CARMIL3: variants seen among roughly 807,000 people sequenced by gnomAD.
The protein encoded by CARMIL3 is capping protein regulator and myosin 1 linker 3, also known as capping protein, Arp2/3 and myosin-I linker protein 3.
A neutral mutation model predicts 180.8 loss-of-function variants in CARMIL3; 88 were observed. The observed-to-expected ratio is 0.49, with a 90% confidence interval of 0.41 to 0.58. CARMIL3 has a LOEUF of 0.58. Ranked by LOEUF, CARMIL3 falls within the 20% of genes least tolerant of loss-of-function variation. The pLI, the probability that CARMIL3 is intolerant of heterozygous loss-of-function variation, is 0.00. For synonymous variants in CARMIL3, 696 were observed against 714.5 expected (o/e 0.97, Z 0.41); for missense variants, 1,548 against 1,787.0 (o/e 0.87, Z 2.41).
Position 24,054,783 on chromosome 14 carries a change from C to A in CARMIL3, c.435C>A (p.Ser145=). ...ATACATCCCCCAACTCTGAGACTTC[C>A]ACATCTACCACCCACAGTGTCTGCG... ...PRDTSPNSET[S]TSTTHSVCGG... is the part of the protein sequence containing the mutation. Residue 145 remains serine, a synonymous_variant, in exon 6 of 40, where the codon TCC becomes TCA. Coordinates refer to ENST00000342740, the MANE Select transcript of CARMIL3 (RefSeq NM_138360.4). This position sits in a 1 kb window ranked among gnomAD's most constrained non-coding sequence, Gnocchi z 5.1. The A allele has an allele frequency of 3.7e-6, 6 of 1,614,064 alleles. No individual in the cohort carries two copies. Among genetic ancestry groups the A allele is most frequent in the Non-Finnish European group, 5.1e-6 (6 of 1,179,994 alleles).
intron 24 of CARMIL3, 130 bp downstream of exon 24, chr14:24,060,385 G>T: frequency 1.7e-6 from 2 of 1,148,734 alleles, no homozygotes. Context: ...AGCATGTGGG[G>T]AAGCAAAAAG....
chr14:24,066,140 G>A (rs1056690102), intron 34 of CARMIL3, among the ~76,000 whole-genome samples: 2 of 152,018 alleles, frequency 1.3e-5, no homozygotes, highest in African/African-American at 4.8e-5. Context: ...AAAATCGCAG[G>A]CTTTTTGAAT....
rs190937014 is a variant in CARMIL3, at chr14:24,061,202, T to G, written c.2304+162T>G. 1.5e-6 allele frequency: 1 copy of G among 672,784 alleles called. No individual in the cohort carries two copies. The highest frequency in any genetic ancestry group is 2.5e-6 in the Non-Finnish European group (1 of 400,768). 41.7% of individuals were successfully genotyped at this position (672,784 alleles called of 1,614,324 possible). A position where few individuals can be genotyped will look rare whatever the true frequency, so the allele number is the denominator to read the frequency against. ...ACTGTACCAAGGCATTGCTGCAATATCAGGCTTGGATTTTTTTCTGCTAGC... is the reference window on the plus strand; with the variant it reads ...ACTGTACCAAGGCATTGCTGCAATAGCAGGCTTGGATTTTTTTCTGCTAGC... On this transcript the variant is annotated intron_variant, in intron 26 of 39. Transcript: ENST00000342740. The surrounding 1 kb of genome is among the most constrained non-coding windows in gnomAD (Gnocchi z 4.1).
Position 24,065,710 on chromosome 14 carries a change from T to G in CARMIL3, c.3485T>G (p.Leu1162Trp). The change falls in exon 34 of 40, where the codon TTG (leucine) becomes TGG (tryptophan). Residue 1162 changes from leucine to tryptophan, a missense_variant. Physicochemically the swap from Leu to Trp is moderately conservative, Grantham distance 61. Coordinates refer to ENST00000342740, the MANE Select transcript of CARMIL3 (RefSeq NM_138360.4). The part of the protein sequence containing the change: ...PRVHGVALPG[L>W]ERAKGWSFDG... ...GTTCACGGTGTTGCCCTTCCCGGGT[T>G]GGAAAGAGCCAAGGGTTGGAGCTTC... 1.9e-6 allele frequency: 3 copies of G among 1,613,984 alleles called. No homozygotes were observed. Among genetic ancestry groups the G allele is most frequent in the Non-Finnish European group, 2.5e-6 (3 of 1,179,918 alleles).
At chr14:24,065,476 C>A in intron 33 of CARMIL3, 146 bp from the exon 34 acceptor site, 1 of 1,228,454 alleles carries the variant, frequency 8.1e-7, no homozygotes. Flanking sequence ...CGAATGCAGG[C>A]GTTGGAAGGA....
At chr14:24,069,082 G>A (rs1594557561) in intron 38 of CARMIL3, 55 bp from the exon 39 acceptor site, 1 of 1,604,400 alleles carries the variant, frequency 6.2e-7, no homozygotes, top group East Asian at 2.2e-5. Flanking sequence ...GCCTGGATGA[G>A]CATCCCAGCA....
Position 24,062,798 on chromosome 14 carries a change from G to C in CARMIL3, c.2658G>C (p.Arg886=), listed in dbSNP as rs752630443. 6 of 1,613,706 alleles carry C rather than the reference G, an allele frequency of 3.7e-6. No homozygotes were observed. The highest frequency in any genetic ancestry group is 4.2e-6 in the Non-Finnish European group (5 of 1,179,860). Residue 886 remains arginine, a synonymous_variant, in exon 29 of 40, where the codon CGG becomes CGC. Transcript: ENST00000342740. ...ATCTGTCCTCCCGGGGCCGAGGCCG[G>C]AACCATGACCATGAGGAGACCACAG... is the stretch of plus-strand genomic sequence containing the variant. ...GQDLSSRGRG[R]NHDHEETTDD...
Position 24,058,642 on chromosome 14 carries a change from C to T in CARMIL3, c.1393-38C>T. ...GCATTAAAGGTGCCCTACCCCCACC[C>T]CAACCCCTGCCTTCCCTACCTCACC... On this transcript the variant is annotated intron_variant, in intron 17 of 39. Coordinates refer to ENST00000342740, the MANE Select transcript of CARMIL3 (RefSeq NM_138360.4). The surrounding 1 kb of genome is among the most constrained non-coding windows in gnomAD (Gnocchi z 6.4). 1 of 1,598,846 alleles carries T rather than the reference C, an allele frequency of 6.3e-7. No homozygotes were observed. Among genetic ancestry groups the T allele is most frequent in the Non-Finnish European group, 8.6e-7 (1 of 1,168,880 alleles).
At position 24,063,357 on chromosome 14, in the gene CARMIL3, G is replaced by C; in HGVS notation, c.2803G>C (p.Gly935Arg). 1 of 1,607,466 alleles carries C rather than the reference G, an allele frequency of 6.2e-7. No individual in the cohort carries two copies. The highest frequency in any genetic ancestry group is 8.5e-7 in the Non-Finnish European group (1 of 1,175,724). Residue 935 changes from glycine to arginine, a missense_variant, in exon 31 of 40, where the codon GGG (glycine) becomes CGG (arginine). Coordinates refer to ENST00000342740, the MANE Select transcript of CARMIL3 (RefSeq NM_138360.4). Reference protein sequence around the residue: ...GSPQDMESQLGNLGIPPGWFS... With the variant: ...GSPQDMESQLRNLGIPPGWFS... ...CCCTCAGGACATGGAAAGCCAACTG[G>C]GGAATCTGGGGATCCCCCCTGGCTG...
chr14:24,055,739 C>T lies in CARMIL3; in HGVS notation c.720C>T (p.Ser240=). The change falls in exon 10 of 40, where the codon AGC becomes AGT. Residue 240 remains serine, a synonymous_variant. Transcript: ENST00000342740. ...EVLEQVLHTL[S]KSGSLEELVL... ...TAGAACAGGTGCTACATACCCTAAG[C>T]AAGTCGGGGAGCCTCGAAGAGCTGG... 1 of 1,614,114 alleles carries T rather than the reference C, an allele frequency of 6.2e-7. No homozygotes were observed. Among genetic ancestry groups the T allele is most frequent in the Non-Finnish European group, 8.5e-7 (1 of 1,180,000 alleles).
rs2138701014 is a variant in CARMIL3 at position 24,054,624 on chromosome 14, G to A, written c.363-87G>A. On this transcript the variant is annotated intron_variant, in intron 5 of 39. Transcript: ENST00000342740. This position sits in a 1 kb window ranked among gnomAD's most constrained non-coding sequence, Gnocchi z 5.1. ...GAGAGCTCTCATGTCCCCACTCCTG[G>A]TTTTTCCTGGGATGCAGGAGCTATA... 1 of 1,511,710 alleles carries A rather than the reference G, an allele frequency of 6.6e-7. No individual in the cohort carries two copies. Among genetic ancestry groups the A allele is most frequent in the Non-Finnish European group, 9.1e-7 (1 of 1,103,750 alleles). 93.6% of individuals were successfully genotyped at this position (1,511,710 alleles called of 1,614,324 possible). A position where few individuals can be genotyped will look rare whatever the true frequency, so the allele number is the denominator to read the frequency against.
rs377027645 is a variant in CARMIL3, at chr14:24,061,568, C to T, written c.2376C>T (p.His792=). ...TGGCCATGCGGGTGGCCGAGGGACA[C>T]AACAAGATGCTGAGCAATGTGGCGG... ...CPVAMRVAEG[H]NKMLSNVAER... The change falls in exon 27 of 40, where the codon CAC becomes CAT. Residue 792 remains histidine, a synonymous_variant. Transcript: ENST00000342740. The surrounding 1 kb of genome is among the most constrained non-coding windows in gnomAD (Gnocchi z 4.1). 3.7e-6 allele frequency: 6 copies of T among 1,613,982 alleles called. No homozygotes were observed. The highest frequency in any genetic ancestry group is 5.1e-6 in the Non-Finnish European group (6 of 1,179,982).
Position 24,059,708 on chromosome 14 carries a change from TG to T in CARMIL3, c.1846del (p.Asp616ThrfsTer19), listed in dbSNP as rs1179198052. ...DRNNTSALGF[L>X]DIARALESNH... Reference sequence around the variant, plus strand: ...AACAATACATCTGCCCTGGGCTTCCTGGACATCGCAAGGGCCCTGGAGAGGT... The same window carrying T: ...AACAATACATCTGCCCTGGGCTTCCTGACATCGCAAGGGCCCTGGAGAGGT... On this transcript the variant is annotated frameshift_variant, in exon 22 of 40. Transcript: ENST00000342740. LOFTEE classifies it high-confidence loss of function. This position sits in a 1 kb window ranked among gnomAD's most constrained non-coding sequence, Gnocchi z 6.3. 2 of 1,613,988 alleles carry T rather than the reference TG, an allele frequency of 1.2e-6. No individual in the cohort carries two copies. The highest frequency in any genetic ancestry group is 1.7e-6 in the Non-Finnish European group (2 of 1,180,014).
chr14:24,061,203 C>A lies in CARMIL3; in HGVS notation c.2304+163C>A, dbSNP rs1287784620. 3.7e-5 allele frequency: 25 copies of A among 672,118 alleles called. No individual in the cohort carries two copies. In the Admixed American group the frequency reaches 5.5e-4, roughly 15 times the overall value. 41.6% of individuals were successfully genotyped at this position (672,118 alleles called of 1,614,324 possible). A position where few individuals can be genotyped will look rare whatever the true frequency, so the allele number is the denominator to read the frequency against. ...CTGTACCAAGGCATTGCTGCAATAT[C>A]AGGCTTGGATTTTTTTCTGCTAGCT... On this transcript the variant is annotated intron_variant, in intron 26 of 39. Coordinates refer to ENST00000342740, the MANE Select transcript of CARMIL3 (RefSeq NM_138360.4). The surrounding 1 kb of genome is among the most constrained non-coding windows in gnomAD (Gnocchi z 4.1).
rs199558408 is a variant in CARMIL3 at position 24,058,097 on chromosome 14, A to G, written c.1322+33A>G. On this transcript the variant is annotated intron_variant, in intron 16 of 39. Coordinates refer to ENST00000342740, the MANE Select transcript of CARMIL3 (RefSeq NM_138360.4). This position sits in a 1 kb window ranked among gnomAD's most constrained non-coding sequence, Gnocchi z 6.4. ...GGGTGCAGGGTTGGGGGCGCATCCA[A>G]GGGAACCACGGGGAGCGGGAAGAGG... The G allele has an allele frequency of 6.3e-5, 102 of 1,613,708 alleles. No homozygotes were observed. In the African/African-American group the frequency reaches 1.1e-3, roughly 18 times the overall value.
In CARMIL3 at chr14:24,058,683, C is replaced by A; in HGVS notation, c.1396C>A (p.Arg466Ser). ...LHLDLSSCEL[R>S]SAGAQALQEQ... ...CTACCTCACCTTGTCCCTGCAGCTC[C>A]GTTCAGCGGGAGCCCAAGCCTTGCA... Residue 466 changes from arginine (R) to serine (S), a missense_variant, in exon 18 of 40, where the codon CGT (arginine) becomes AGT (serine). By Grantham distance (110) the Arg-to-Ser change is moderately radical. Coordinates refer to ENST00000342740, the MANE Select transcript of CARMIL3 (RefSeq NM_138360.4). The surrounding 1 kb of genome is among the most constrained non-coding windows in gnomAD (Gnocchi z 6.4). 1 of 1,614,002 alleles carries A rather than the reference C, an allele frequency of 6.2e-7. No homozygotes were observed. The highest frequency in any genetic ancestry group is 8.5e-7 in the Non-Finnish European group (1 of 1,179,998).
At position 24,059,637 on chromosome 14, in the gene CARMIL3, C is replaced by T; in HGVS notation, c.1800-27C>T. 1.2e-6 allele frequency: 2 copies of T among 1,612,958 alleles called. No homozygotes were observed. Among genetic ancestry groups the T allele is most frequent in the Non-Finnish European group, 1.7e-6 (2 of 1,179,312 alleles). On this transcript the variant is annotated intron_variant, in intron 21 of 39. Transcript: ENST00000342740. The surrounding 1 kb of genome is among the most constrained non-coding windows in gnomAD (Gnocchi z 6.3). ...TAGTAGGGACCCAGGAGGAGAGGTG[C>T]CAAACTGGTGCTTACCCTCCCCCCA...
chr14:24,053,413 G>C (rs745965876), intron 1 of CARMIL3, among the ~76,000 whole-genome samples: 6 of 152,168 alleles, frequency 3.9e-5, no homozygotes, highest in Non-Finnish European at 5.9e-5. Flanking sequence ...ACCCTCAGAA[G>C]TGTGAGACAC....
In CARMIL3 at chr14:24,060,054, C is replaced by G; in HGVS notation, c.1953C>G (p.Val651=). ...GCGCGCCTGAGCGCACCGAGGACGT[C>G]TGGCAGAAGGTGCAGGGTGCTGTCC... is the stretch of plus-strand genomic sequence containing the variant. The part of the protein sequence containing the change: ...YRSAPERTED[V]WQKIQWCLVR... The change falls in exon 23 of 40, where the codon GTC becomes GTG. Residue 651 remains valine (V), a synonymous_variant. Coordinates refer to ENST00000342740, the MANE Select transcript of CARMIL3 (RefSeq NM_138360.4). 1 of 1,613,976 alleles carries G rather than the reference C, an allele frequency of 6.2e-7. No homozygotes were observed. The highest frequency in any genetic ancestry group is 8.5e-7 in the Non-Finnish European group (1 of 1,180,036).
Sources: gnomAD v4.1 joint callset for allele counts (sites outside exome capture counted in the v4.1 genomes callset) on GRCh38, gnomAD v4.1.1 for gene constraint, Gnocchi (gnomAD v3.1) non-coding constraint, MANE v1.5 for transcripts, NCBI Gene and HGNC (gene_info 2026-07-23, HGNC 2026-07-21) for gene names.